The following MAP3K5 variants were observed in gnomAD, a reference collection of about 807,000 sequenced individuals.
The protein encoded by MAP3K5 is mitogen-activated protein kinase kinase kinase 5.
In MAP3K5, 56 loss-of-function variants were observed where a neutral mutation model predicts 158.7. That is an observed-to-expected ratio of 0.35 (90% CI 0.28 to 0.44). The LOEUF (loss-of-function observed/expected upper bound fraction) is 0.44. Ranked by LOEUF, MAP3K5 falls within the 20% of genes least tolerant of loss-of-function variation. The pLI is 1.00. For synonymous variants in MAP3K5, 579 were observed against 601.7 expected, an observed-to-expected ratio of 0.96 and a Z score of 0.55; for missense variants, 1,294 against 1,674.8, an observed-to-expected ratio of 0.77 and a Z score of 3.97.
intron 1 of MAP3K5, among the ~76,000 whole-genome samples, chr6:136,774,684 GA>G (rs1299731691): frequency 6.6e-6 from 1 of 152,138 alleles, no homozygotes; most frequent in Non-Finnish European, 1.5e-5. Context: ...CACTTAAGCA[GA>G]AAAAGCAGAC....
Position 136,792,015 on chromosome 6 carries a change from G to T in MAP3K5, c.143C>A (p.Pro48Gln). Residue 48 changes from proline to glutamine, a missense_variant, in exon 1 of 30, where the codon CCG becomes CAG. Coordinates refer to ENST00000359015, the MANE Select transcript of MAP3K5 (RefSeq NM_005923.4). This position sits in a 1 kb window ranked among gnomAD's most constrained non-coding sequence, Gnocchi z 5.7. ...VGEGEEHQLP[P>Q]PPPGSFWNVE... ...GTTCCAGAAGCTGCCCGGCGGCGGCGGTGGCAGCTGGTGCTCCTCGCCCTC... is the reference window on the plus strand; with the variant it reads ...GTTCCAGAAGCTGCCCGGCGGCGGCTGTGGCAGCTGGTGCTCCTCGCCCTC... 6.4e-7 allele frequency: 1 copy of T among 1,574,652 alleles called. No homozygotes were observed. Among genetic ancestry groups the T allele is most frequent in the East Asian group, 2.3e-5 (1 of 43,298 alleles).
In MAP3K5 at chr6:136,756,956, G is replaced by A. The variant is rs1290534812; in HGVS notation, c.448+34754C>T. ...ATAGGCTTTCTCTTCAGAACCACAC[G>A]AAGCTCAGAAGCAAAGCTCATTTTG... On this transcript the variant is annotated intron_variant, in intron 1 of 29. Coordinates refer to ENST00000359015, the MANE Select transcript of MAP3K5 (RefSeq NM_005923.4). 5.3e-5 allele frequency among the ~76,000 whole-genome samples: 8 copies of A among 152,186 alleles called. No individual in the cohort carries two copies. In the South Asian group the frequency reaches 6.2e-4, roughly 12 times the overall value.
At chr6:136,605,588 T>C (rs1186413588) in intron 18 of MAP3K5, among the ~76,000 whole-genome samples, 1 of 152,196 alleles carries the variant, frequency 6.6e-6, no homozygotes, top group Non-Finnish European at 1.5e-5. Flanking sequence ...ACTTTACCCA[T>C]ATTATCTGGT....
At chr6:136,644,419 C>T (rs559922235) in intron 11 of MAP3K5, among the ~76,000 whole-genome samples, 2 of 152,304 alleles carry the variant, frequency 1.3e-5, no homozygotes, top group South Asian at 2.1e-4. Flanking sequence ...CAAGGCCAAA[C>T]GCAGCGCTAG....
At chr6:136,661,054 A>G (rs909783597) in intron 8 of MAP3K5, among the ~76,000 whole-genome samples, 8 of 151,796 alleles carry the variant, frequency 5.3e-5, no homozygotes, top group African/African-American at 1.9e-4. Flanking sequence ...ACTAGTTTCC[A>G]TATTAGTTGA....
chr6:136,687,403 CA>C (rs1780195550), intron 7 of MAP3K5, among the ~76,000 whole-genome samples: 1 of 152,058 alleles, frequency 6.6e-6, no homozygotes, highest in Non-Finnish European at 1.5e-5. Context: ...GCAATGGCAA[CA>C]AAAGCCAAAA....
At chr6:136,632,300 C>G (rs1777406268) in intron 14 of MAP3K5, among the ~76,000 whole-genome samples, 1 of 152,040 alleles carries the variant, frequency 6.6e-6, no homozygotes, top group South Asian at 2.1e-4. Flanking sequence ...GCAGGCAGAT[C>G]ACTTGAGGTC....
In MAP3K5 at chr6:136,557,659, G is replaced by A; in HGVS notation, c.*99C>T. 1 of 750,362 alleles carries A rather than the reference G, an allele frequency of 1.3e-6. No homozygotes were observed. The highest frequency in any genetic ancestry group is 2.1e-5 in the Admixed American group (1 of 47,108). The allele number at this position is 750,362 out of a possible 1,614,324, so 46.5% of individuals were successfully genotyped here. A position where few individuals can be genotyped will look rare whatever the true frequency, so the allele number is the denominator to read the frequency against. Reference sequence around the variant, plus strand: ...AGTAAACAAATACTGGATTTAAAGTGCAGCGCCTTTCTCCTCTCCCTTCGA... The same window carrying A: ...AGTAAACAAATACTGGATTTAAAGTACAGCGCCTTTCTCCTCTCCCTTCGA... On this transcript the variant is annotated 3_prime_UTR_variant, in exon 30 of 30. Coordinates refer to ENST00000359015, the MANE Select transcript of MAP3K5 (RefSeq NM_005923.4).
At chr6:136,720,429 T>C (rs764269841) in intron 2 of MAP3K5, 21 bp downstream of exon 2, 4 of 1,549,344 alleles carry the variant, frequency 2.6e-6, no homozygotes, top group South Asian at 1.2e-5. Flanking sequence ...AAATGAAACA[T>C]TCAGTAAACA....
intron 26 of MAP3K5, among the ~76,000 whole-genome samples, chr6:136,565,694 A>C (rs1355848072): frequency 1.3e-5 from 2 of 152,224 alleles, no homozygotes; most frequent in African/African-American, 2.4e-5. Flanking sequence ...TATTTCAGGT[A>C]ATATTCAACT....
chr6:136,557,211 G>C lies in MAP3K5; in HGVS notation c.*547C>G, dbSNP rs938436546. 6.5e-6 allele frequency: 1 copy of C among 153,044 alleles called. No individual in the cohort carries two copies. Among genetic ancestry groups the C allele is most frequent in the Non-Finnish European group, 1.5e-5 (1 of 68,910 alleles). 9.5% of individuals were successfully genotyped at this position (153,044 alleles called of 1,614,324 possible). On this transcript the variant is annotated 3_prime_UTR_variant, in exon 30 of 30. Transcript: ENST00000359015. ...GGTCAGAAACTTAAGTTACAAAATA[G>C]AGTCAATATTACAATTAACACAGAG...
chr6:136,602,260 T>C (rs1562537888), intron 19 of MAP3K5, among the ~76,000 whole-genome samples: 1 of 152,196 alleles, frequency 6.6e-6, no homozygotes, highest in Non-Finnish European at 1.5e-5. Context: ...CTTTAGAACA[T>C]ATTGGTACAT....
chr6:136,618,234 C>T (rs1352786821), intron 15 of MAP3K5, among the ~76,000 whole-genome samples: 1 of 152,218 alleles, frequency 6.6e-6, no homozygotes, highest in Non-Finnish European at 1.5e-5. Flanking sequence ...ACTGTAACTG[C>T]TATCTTTTTC....
At chr6:136,747,308 T>G (rs1783003612) in intron 1 of MAP3K5, among the ~76,000 whole-genome samples, 1 of 152,250 alleles carries the variant, frequency 6.6e-6, no homozygotes, top group South Asian at 2.1e-4. Flanking sequence ...CTGGCATCCA[T>G]GACATTTTCT....
intron 7 of MAP3K5, among the ~76,000 whole-genome samples, chr6:136,678,996 G>A (rs936685848): frequency 1.3e-5 from 2 of 151,712 alleles, no homozygotes; most frequent in African/African-American, 2.4e-5. Flanking sequence ...GAAGTGCTGC[G>A]ATTACAGGCA....
At chr6:136,754,577 G>A (rs992521883) in intron 1 of MAP3K5, among the ~76,000 whole-genome samples, 8 of 134,228 alleles carry the variant, frequency 6.0e-5, no homozygotes, top group Non-Finnish European at 9.7e-5. Flanking sequence ...GAGAGAGACC[G>A]CTCTCAAAAA....
At chr6:136,643,545 G>A (rs1185680317) in intron 11 of MAP3K5, among the ~76,000 whole-genome samples, 1 of 152,140 alleles carries the variant, frequency 6.6e-6, no homozygotes, top group Non-Finnish European at 1.5e-5. Context: ...GCTCTGAGGT[G>A]GCCTAGAACC....
chr6:136,722,177 A>G (rs1781770915), intron 1 of MAP3K5, among the ~76,000 whole-genome samples: 1 of 152,236 alleles, frequency 6.6e-6, no homozygotes, highest in South Asian at 2.1e-4. Context: ...TAGCTATTAG[A>G]AGTAATAATA....
chr6:136,621,082 T>G (rs578018155), intron 15 of MAP3K5, among the ~76,000 whole-genome samples: 2 of 152,342 alleles, frequency 1.3e-5, no homozygotes, highest in South Asian at 4.1e-4. Context: ...TTATACATTT[T>G]GTAGTTGTCA....
Sources: gnomAD v4.1 joint callset for allele counts (sites outside exome capture counted in the v4.1 genomes callset) on GRCh38, gnomAD v4.1.1 for gene constraint, Gnocchi (gnomAD v3.1) non-coding constraint, MANE v1.5 for transcripts, NCBI Gene and HGNC (gene_info 2026-07-23, HGNC 2026-07-21) for gene names.